Variants in HECW1 observed in about 807,000 individuals in gnomAD.
HECW1 encodes HECT, C2 and WW domain containing E3 ubiquitin protein ligase 1, also known as E3 ubiquitin-protein ligase HECW1.
A neutral mutation model predicts 182.3 loss-of-function variants in HECW1; 61 were observed. The ratio of observed to expected loss-of-function variants is 0.33; its 90% CI spans 0.27 to 0.41. HECW1 has a LOEUF of 0.41. HECW1 is among the 10% of genes least tolerant of loss of function. HECW1 has a pLI of 1.00. For missense variants in HECW1, 1,739 were observed against 2,108.9 expected (o/e 0.82, Z 3.44); for synonymous variants, 859 against 832.6 (o/e 1.03, Z -0.55).
intron 26 of HECW1, among the ~76,000 whole-genome samples, chr7:43,549,005 C>G (rs1252530412): frequency 6.6e-6 from 1 of 152,204 alleles, no homozygotes; most frequent in Non-Finnish European, 1.5e-5. Flanking sequence ...CCTTCCAGGT[C>G]TCCCCACTGC....
intron 17 of HECW1, chr7:43,484,441 T>G (rs1176610193): frequency 6.6e-6 from 1 of 152,252 alleles, no homozygotes; most frequent in Non-Finnish European, 1.5e-5. Context: ...ATTATTTTTC[T>G]GTGTCCCGTA....
chr7:43,296,157 AT>A (rs1292890959), intron 3 of HECW1, among the ~76,000 whole-genome samples: 1 of 152,232 alleles, frequency 6.6e-6, no homozygotes, highest in Non-Finnish European at 1.5e-5. Context: ...ATAGTTAACC[AT>A]TTAAAAAAGC....
chr7:43,148,138 G>A (rs4513871), intron 2 of HECW1, among the ~76,000 whole-genome samples: 5 of 152,184 alleles, frequency 3.3e-5, no homozygotes, highest in Non-Finnish European at 7.4e-5. Context: ...AAGGAAGGGG[G>A]CAGAAAGGGG....
At position 43,565,328 on chromosome 7, in the gene HECW1, A is replaced by C. The variant is rs996509128; in HGVS notation, c.*3402A>C. 9 of 207,238 alleles carry C rather than the reference A, an allele frequency of 4.3e-5. No individual in the cohort carries two copies. Among genetic ancestry groups the C allele is most frequent in the African/African-American group, 2.1e-4 (9 of 43,860 alleles). 12.8% of individuals were successfully genotyped at this position (207,238 alleles called of 1,614,324 possible). On this transcript the variant is annotated 3_prime_UTR_variant, in exon 30 of 30. Coordinates refer to ENST00000395891, the MANE Select transcript of HECW1 (RefSeq NM_015052.5). ...ACATGCAAGATCTAAATTTTCTTTT[A>C]ATACATGACCATATGTCCTTGAACA... is the stretch of plus-strand genomic sequence containing the variant.
intron 6 of HECW1, among the ~76,000 whole-genome samples, chr7:43,389,950 A>C (rs1451566046): frequency 6.6e-6 from 1 of 152,112 alleles, no homozygotes; most frequent in Non-Finnish European, 1.5e-5. Context: ...ATTTTTAGTA[A>C]GCTAAAAGCA....
chr7:43,250,973 C>A (rs1175015683), intron 3 of HECW1, among the ~76,000 whole-genome samples: 1 of 152,172 alleles, frequency 6.6e-6, no homozygotes, highest in Non-Finnish European at 1.5e-5. Flanking sequence ...CTGAAGGCAG[C>A]TGTGTTTTAG....
intron 6 of HECW1, among the ~76,000 whole-genome samples, chr7:43,365,031 A>G (rs986065093): frequency 6.6e-6 from 1 of 152,198 alleles, no homozygotes; most frequent in Admixed American, 6.5e-5. Flanking sequence ...CACACAGTCC[A>G]CTGAAAATAA....
intron 3 of HECW1, among the ~76,000 whole-genome samples, chr7:43,293,469 T>C (rs965579908): frequency 2.0e-5 from 3 of 151,932 alleles, no homozygotes; most frequent in Non-Finnish European, 4.4e-5. Flanking sequence ...TCAAAGGGAG[T>C]AGCCTCTGGT....
intron 26 of HECW1, among the ~76,000 whole-genome samples, chr7:43,543,781 CAAAAA>C (rs35618213): frequency 2.0e-5 from 1 of 49,600 alleles, no homozygotes. Context: ...CTCCATCTCA[CAAAAA>C]AAAAAAAAAA....
At chr7:43,552,482 G>A (rs2081871930) in intron 28 of HECW1, 146 bp downstream of exon 28, 1 of 644,854 alleles carries the variant, frequency 1.6e-6, no homozygotes, top group South Asian at 1.8e-5. Flanking sequence ...TCACAGTTTT[G>A]TGCAACCATT....
At chr7:43,423,751 C>T (rs73328083) in intron 8 of HECW1, among the ~76,000 whole-genome samples, 4,282 of 152,254 alleles carry the variant, frequency 0.028, 225 homozygotes, top group African/African-American at 0.098. Flanking sequence ...TGAAATCAGC[C>T]ATCGAGGGAG....
intron 4 of HECW1, among the ~76,000 whole-genome samples, chr7:43,314,277 AC>A (rs1207883908): frequency 6.6e-6 from 1 of 152,256 alleles, no homozygotes; most frequent in Admixed American, 6.5e-5. Flanking sequence ...ACGTGCGTCC[AC>A]AGTGAGTGAA....
At chr7:43,232,801 G>T (rs1230199203) in intron 2 of HECW1, among the ~76,000 whole-genome samples, 2 of 152,242 alleles carry the variant, frequency 1.3e-5, no homozygotes, top group Non-Finnish European at 2.9e-5. Flanking sequence ...ATCTCCAGAA[G>T]AGAGAAGACT....
intron 8 of HECW1, among the ~76,000 whole-genome samples, chr7:43,434,273 C>A (rs1437094709): frequency 1.3e-5 from 2 of 152,216 alleles, no homozygotes; most frequent in Admixed American, 6.5e-5. Context: ...GTTCAATAAC[C>A]AGAGAGTCAA....
intron 3 of HECW1, among the ~76,000 whole-genome samples, chr7:43,263,481 C>A (rs534045363): frequency 1.3e-5 from 2 of 152,166 alleles, no homozygotes; most frequent in African/African-American, 4.8e-5. Flanking sequence ...ATGCCTCAGC[C>A]TCCCGAGTAG....
intron 6 of HECW1, among the ~76,000 whole-genome samples, chr7:43,374,856 AT>A (rs894494925): frequency 4.0e-4 from 61 of 151,918 alleles, no homozygotes; most frequent in African/African-American, 1.4e-3. Context: ...ATCTAAAAAA[AT>A]ACATACCTAA....
At chr7:43,416,082 T>C (rs1562952040) in intron 8 of HECW1, among the ~76,000 whole-genome samples, 1 of 152,000 alleles carries the variant, frequency 6.6e-6, no homozygotes, top group Non-Finnish European at 1.5e-5. Context: ...AGAACTGCGT[T>C]CCTTTGGAGG....
At chr7:43,211,829 C>A (rs192195546) in intron 2 of HECW1, among the ~76,000 whole-genome samples, 20 of 152,266 alleles carry the variant, frequency 1.3e-4, no homozygotes, top group Admixed American at 3.9e-4. Flanking sequence ...GCCTTGTACA[C>A]CTCAGTTAAG....
intron 5 of HECW1, among the ~76,000 whole-genome samples, chr7:43,325,740 C>T (rs1162198148): frequency 1.3e-5 from 2 of 152,180 alleles, no homozygotes; most frequent in Non-Finnish European, 2.9e-5. Context: ...CCAGTCAGCA[C>T]CACTCATCCC....
Sources: allele counts gnomAD v4.1 joint callset (sites outside exome capture counted in the v4.1 genomes callset), GRCh38; gene constraint gnomAD v4.1.1; transcripts MANE v1.5; gene names NCBI Gene and HGNC (gene_info 2026-07-23, HGNC 2026-07-21).